NR6A1: variants seen among roughly 807,000 people sequenced by gnomAD.
NR6A1 encodes the protein retinoic acid receptor-related testis-associated receptor.
In NR6A1, 7 loss-of-function variants were observed where a neutral mutation model predicts 59.1. That is an observed-to-expected ratio of 0.12 (90% CI 0.07 to 0.22). The LOEUF (loss-of-function observed/expected upper bound fraction) is 0.22, where lower values mean the gene tolerates loss of function less well. Among genes scored for constraint, NR6A1 ranks in the 10% least tolerant of loss-of-function variants. The probability of loss-of-function intolerance (pLI) is 1.00; values close to 1 mark genes in which losing one functional copy is unlikely to be tolerated. For synonymous variants in NR6A1, 243 were observed against 236.1 expected (o/e 1.03, Z -0.27); for missense variants, 468 against 611.6 (o/e 0.77, Z 2.48).
intron 3 of NR6A1, among the ~76,000 whole-genome samples, chr9:124,550,756 G>T (rs1026379674): frequency 6.6e-6 from 1 of 151,936 alleles, no homozygotes; most frequent in Non-Finnish European, 1.5e-5. Context: ...GGCTGGTCTT[G>T]AACTCCAGGG....
At chr9:124,713,462 C>A (rs1048972096) in intron 2 of NR6A1, among the ~76,000 whole-genome samples, 1 of 152,088 alleles carries the variant, frequency 6.6e-6, no homozygotes, top group Non-Finnish European at 1.5e-5. Context: ...AAGCAACCTG[C>A]AGAATGGATG....
intron 2 of NR6A1, among the ~76,000 whole-genome samples, chr9:124,588,933 AG>A (rs375575029): frequency 1.4e-5 from 2 of 139,134 alleles, no homozygotes; most frequent in African/African-American, 3.1e-5. Context: ...AAAAAAAAAA[AG>A]AAAGAAAAAA....
chr9:124,762,243 G>A (rs547835695), intron 1 of NR6A1, among the ~76,000 whole-genome samples: 4 of 151,962 alleles, frequency 2.6e-5, no homozygotes, highest in Non-Finnish European at 5.9e-5. Context: ...TTATCATACT[G>A]GAAAATAAAC....
Position 124,771,269 on chromosome 9 carries a change from C to T in NR6A1, c.-150G>A, listed in dbSNP as rs1006904216. 2.5e-6 allele frequency: 1 copy of T among 400,782 alleles called. No homozygotes were observed. The highest frequency in any genetic ancestry group is 2.1e-5 in the African/African-American group (1 of 48,246). The allele number at this position is 400,782 out of a possible 1,614,324, so 24.8% of individuals were successfully genotyped here. On this transcript the variant is annotated 5_prime_UTR_variant, in exon 1 of 10. Transcript: ENST00000487099. The stretch of plus-strand genomic sequence containing the variant: ...TCTCTGGGCCCCGAGCCGCCCGGCT[C>T]CGCGCCGCTCCGCGCCCCTCCGCGC...
chr9:124,728,106 A>T (rs1406173857), intron 2 of NR6A1, among the ~76,000 whole-genome samples: 1 of 151,616 alleles, frequency 6.6e-6, no homozygotes, highest in Admixed American at 6.6e-5. Flanking sequence ...AGCTCACTGC[A>T]AGCTCTGCCT....
intron 2 of NR6A1, chr9:124,693,784 A>T (rs374759520): frequency 1.9e-6 from 1 of 534,550 alleles, no homozygotes; most frequent in South Asian, 1.4e-5. Context: ...ATGAATGCAA[A>T]CTGCGGACCA....
chr9:124,760,198 G>A (rs1321389272), intron 1 of NR6A1, among the ~76,000 whole-genome samples: 1 of 151,950 alleles, frequency 6.6e-6, no homozygotes, highest in Non-Finnish European at 1.5e-5. Context: ...TGTAATCCCA[G>A]CTGCTCCAGG....
intron 1 of NR6A1, among the ~76,000 whole-genome samples, chr9:124,747,167 A>G (rs1840357972): frequency 6.8e-6 from 1 of 146,996 alleles, no homozygotes; most frequent in African/African-American, 2.5e-5. Context: ...CTTACAGATG[A>G]TTATACAGAC....
At chr9:124,678,340 T>C (rs1272148683) in intron 2 of NR6A1, among the ~76,000 whole-genome samples, 1 of 152,144 alleles carries the variant, frequency 6.6e-6, no homozygotes, top group African/African-American at 2.4e-5. Context: ...ATAATGTACA[T>C]ATCATCACCC....
chr9:124,768,637 G>A (rs1841009313), intron 1 of NR6A1, among the ~76,000 whole-genome samples: 1 of 152,198 alleles, frequency 6.6e-6, no homozygotes, highest in African/African-American at 2.4e-5. Flanking sequence ...AGCCACCTTA[G>A]TCTAAATGGA....
At chr9:124,594,925 CAA>C (rs1470004439) in intron 2 of NR6A1, among the ~76,000 whole-genome samples, 4 of 152,326 alleles carry the variant, frequency 2.6e-5, no homozygotes, top group Non-Finnish European at 5.9e-5. Context: ...AGAAATTTAT[CAA>C]CTGCTTCAAA....
At chr9:124,540,328 A>C in intron 4 of NR6A1, 141 bp from the exon 5 acceptor site, 2 of 922,174 alleles carry the variant, frequency 2.2e-6, no homozygotes, top group Non-Finnish European at 3.2e-6. Context: ...CGGGCCTCTC[A>C]CTAATCTTAG....
chr9:124,760,234 C>T (rs1840749158), intron 1 of NR6A1, among the ~76,000 whole-genome samples: 1 of 151,844 alleles, frequency 6.6e-6, no homozygotes, highest in South Asian at 2.1e-4. Flanking sequence ...ATCACTTAAA[C>T]CAGGGAGGCG....
intron 2 of NR6A1, among the ~76,000 whole-genome samples, chr9:124,597,028 C>T (rs1835291697): frequency 6.6e-6 from 1 of 152,104 alleles, no homozygotes; most frequent in South Asian, 2.1e-4. Flanking sequence ...AAAAAGGAGA[C>T]CCTTCTTGGA....
chr9:124,570,659 G>T (rs1464812238), intron 2 of NR6A1, among the ~76,000 whole-genome samples: 2 of 124,774 alleles, frequency 1.6e-5, no homozygotes, highest in Admixed American at 1.1e-4. Flanking sequence ...GCAAACTTAG[G>T]TTTTCTAGTT....
chr9:124,649,782 G>GA (rs1005027325), intron 2 of NR6A1, among the ~76,000 whole-genome samples: 1 of 151,624 alleles, frequency 6.6e-6, no homozygotes, highest in South Asian at 2.1e-4. Flanking sequence ...TTTAAAATGG[G>GA]AAAAAAAGAT....
intron 2 of NR6A1, among the ~76,000 whole-genome samples, chr9:124,680,078 CTG>C (rs1042353825): frequency 6.9e-6 from 1 of 144,040 alleles, no homozygotes; most frequent in Admixed American, 6.7e-5. Context: ...GTTTATGTGT[CTG>C]TGTGTATGTA....
At chr9:124,727,431 T>C (rs1401624606) in intron 2 of NR6A1, among the ~76,000 whole-genome samples, 1 of 152,214 alleles carries the variant, frequency 6.6e-6, no homozygotes, top group African/African-American at 2.4e-5. Context: ...AACAGCACAT[T>C]TGGAAGATTT....
chr9:124,664,595 A>G (rs1165306737), intron 2 of NR6A1, among the ~76,000 whole-genome samples: 1 of 152,250 alleles, frequency 6.6e-6, no homozygotes, highest in East Asian at 1.9e-4. Context: ...GATTAGACAG[A>G]TAAATAAATA....
Sources: gnomAD v4.1 joint callset for allele counts (sites outside exome capture counted in the v4.1 genomes callset) on GRCh38, gnomAD v4.1.1 for gene constraint, MANE v1.5 for transcripts, NCBI Gene and HGNC (gene_info 2026-07-23, HGNC 2026-07-21) for gene names.